The following MGAT2 variants were observed in gnomAD, a reference collection of about 807,000 sequenced individuals.
MGAT2 encodes Beta-1,2-N-acetylglucosaminyltransferase II.
In MGAT2, 17 loss-of-function variants were observed where a neutral mutation model predicts 33.8. The observed-to-expected ratio is 0.50, with a 90% CI of 0.34 to 0.76. The LOEUF (loss-of-function observed/expected upper bound fraction) is 0.76. MGAT2 is among the 30% of genes least tolerant of loss of function. The pLI, the probability that MGAT2 is intolerant of heterozygous loss-of-function variation, is 0.01. For synonymous variants in MGAT2, 248 were observed against 226.7 expected (o/e 1.09, Z -0.84); for missense variants, 529 against 553.9 (o/e 0.96, Z 0.45).
In MGAT2 at chr14:49,621,763, C is replaced by A. The variant is rs750374868; in HGVS notation, c.495C>A (p.Ala165=). The A allele has an allele frequency of 6.2e-7, 1 of 1,614,138 alleles. No individual in the cohort carries two copies. Among genetic ancestry groups the A allele is most frequent in the East Asian group, 2.2e-5 (1 of 44,884 alleles). ...FWSTEINQLI[A]GVNFCPVLQV... ...CGACCGAGATCAATCAGCTGATCGC[C>A]GGGGTGAATTTCTGTCCGGTTCTGC... Residue 165 remains alanine, a synonymous_variant, in exon 1 of 1, where the codon GCC becomes GCA. Transcript: ENST00000305386. The surrounding 1 kb of genome is among the most constrained non-coding windows in gnomAD (Gnocchi z 4.6).
Position 49,622,194 on chromosome 14 carries a change from T to G in MGAT2, c.926T>G (p.Val309Gly). The change falls in exon 1 of 1, where the codon GTG becomes GGG. Residue 309 changes from valine (V) to glycine (G), a missense_variant. Around this residue, in one of 2 missense-constraint regions of MGAT2, gnomAD observed 501 missense variants for 501.1 expected, o/e 1.00. Coordinates refer to ENST00000305386, the MANE Select transcript of MGAT2 (RefSeq NM_002408.4). Reference protein sequence around the residue: ...SFYGMADKVDVKTWKSTEHNM... With the variant: ...SFYGMADKVDGKTWKSTEHNM... ...TATGGCATGGCTGACAAGGTAGATG[T>G]GAAAACTTGGAAATCCACAGAGCAC... 1.2e-6 allele frequency: 2 copies of G among 1,614,164 alleles called. No homozygotes were observed.
rs891253274 is a variant in MGAT2, at chr14:49,621,083, C to T, written c.-186C>T. 2 of 833,686 alleles carry T rather than the reference C, an allele frequency of 2.4e-6. No individual in the cohort carries two copies. The highest frequency in any genetic ancestry group is 2.6e-5 in the East Asian group (1 of 37,796). The allele number at this position is 833,686 out of a possible 1,614,324, so 51.6% of individuals were successfully genotyped here. ...GAGGATGTGTGGAGCGCAGGCGGCG[C>T]GGGGTAAATGAGAGGTCTCGGGCCC... On this transcript the variant is annotated 5_prime_UTR_variant, in exon 1 of 1. Transcript: ENST00000305386. This position sits in a 1 kb window ranked among gnomAD's most constrained non-coding sequence, Gnocchi z 4.6.
chr14:49,622,245 A>G lies in MGAT2; in HGVS notation c.977A>G (p.Asn326Ser). 2 of 1,614,184 alleles carry G rather than the reference A, an allele frequency of 1.2e-6. No individual in the cohort carries two copies. The highest frequency in any genetic ancestry group is 1.7e-6 in the Non-Finnish European group (2 of 1,180,038). Residue 326 changes from asparagine to serine, a missense_variant, in exon 1 of 1, where the codon AAT becomes AGT. Asn to Ser is a conservative substitution (Grantham distance 46). Coordinates refer to ENST00000305386, the MANE Select transcript of MGAT2 (RefSeq NM_002408.4). Reference sequence around the variant, plus strand: ...AATATGGGTCTAGCCTTGACCCGGAATGCCTATCAGAAGCTGATCGAGTGC... The same window carrying G: ...AATATGGGTCTAGCCTTGACCCGGAGTGCCTATCAGAAGCTGATCGAGTGC... Reference protein sequence around the residue: ...EHNMGLALTRNAYQKLIECTD... With the variant: ...EHNMGLALTRSAYQKLIECTD...
Position 49,621,625 on chromosome 14 carries a change from G to T in MGAT2, c.357G>T (p.Val119=). The change falls in exon 1 of 1, where the codon GTG becomes GTT. Residue 119 remains valine (V), a synonymous_variant. Coordinates refer to ENST00000305386, the MANE Select transcript of MGAT2 (RefSeq NM_002408.4). This position sits in a 1 kb window ranked among gnomAD's most constrained non-coding sequence, Gnocchi z 4.6. The part of the protein sequence containing the change: ...KAGTWAPREL[V]LVVQVHNRPE... ...GCACCTGGGCCCCCCGGGAGCTGGT[G>T]CTGGTGGTCCAGGTGCATAACCGGC... is the stretch of plus-strand genomic sequence containing the variant. 1 of 1,614,152 alleles carries T rather than the reference G, an allele frequency of 6.2e-7. No homozygotes were observed. The highest frequency in any genetic ancestry group is 2.2e-5 in the East Asian group (1 of 44,882).
At position 49,622,001 on chromosome 14, in the gene MGAT2, G is replaced by C. The variant is rs117536357; in HGVS notation, c.733G>C (p.Val245Leu). The C allele has an allele frequency of 1.5e-3, 2,466 of 1,614,190 alleles. No individual in the cohort carries two copies. Among genetic ancestry groups the C allele is most frequent in the Middle Eastern group, 3.0e-3 (18 of 6,062 alleles). The change falls in exon 1 of 1, where the codon GTG (valine) becomes CTG (leucine). Residue 245 changes from valine (V) to leucine (L), a missense_variant. This residue lies in a region of MGAT2 where 501 missense variants were observed against 501.1 expected (regional missense o/e 1.00). Transcript: ENST00000305386. ...GAAGCTGCATTTTGTGTGGGAAAGA[G>C]TGAAAATTCTTCGAGATTATGCTGG... ...WWKLHFVWERVKILRDYAGLI... is the reference protein window; with the variant it reads ...WWKLHFVWERLKILRDYAGLI...
rs1368845510 is a variant in MGAT2, at chr14:49,620,905, G to T, written c.-364G>T. The T allele has an allele frequency of 1.4e-6, 1 of 700,756 alleles. No homozygotes were observed. Among genetic ancestry groups the T allele is most frequent in the Non-Finnish European group, 2.6e-6 (1 of 384,224 alleles). The allele number at this position is 700,756 out of a possible 1,614,324, so 43.4% of individuals were successfully genotyped here. A position where few individuals can be genotyped will look rare whatever the true frequency, so the allele number is the denominator to read the frequency against. On this transcript the variant is annotated 5_prime_UTR_variant, in exon 1 of 1. Coordinates refer to ENST00000305386, the MANE Select transcript of MGAT2 (RefSeq NM_002408.4). Reference sequence around the variant, plus strand: ...AAGGATGAGAGCGCAGAGGACGCAGGGCCGCTGGAGGCGCAGGTAACGAAG... The same window carrying T: ...AAGGATGAGAGCGCAGAGGACGCAGTGCCGCTGGAGGCGCAGGTAACGAAG...
Position 49,621,161 on chromosome 14 carries a change from T to G in MGAT2, c.-108T>G. 1 of 1,535,938 alleles carries G rather than the reference T, an allele frequency of 6.5e-7. No individual in the cohort carries two copies. The highest frequency in any genetic ancestry group is 1.2e-5 in the South Asian group (1 of 85,744). ...AGCGAGGGCAGCCGCGGGGGCCAGT[T>G]CCGACCGTGACAGGCCAAGGCGACG... On this transcript the variant is annotated 5_prime_UTR_variant, in exon 1 of 1. Coordinates refer to ENST00000305386, the MANE Select transcript of MGAT2 (RefSeq NM_002408.4). This position sits in a 1 kb window ranked among gnomAD's most constrained non-coding sequence, Gnocchi z 4.6.
rs1454709988 is a variant in MGAT2, at chr14:49,621,925, C to T, written c.657C>T (p.Phe219=). ...GCINAEYPDS[F]GHYREAKFSQ... is the part of the protein sequence containing the mutation. ...TCAATGCTGAGTATCCCGACTCCTT[C>T]GGCCATTATAGAGAGGCCAAATTCT... Residue 219 remains phenylalanine, a synonymous_variant, in exon 1 of 1, where the codon TTC becomes TTT. Transcript: ENST00000305386. The surrounding 1 kb of genome is among the most constrained non-coding windows in gnomAD (Gnocchi z 4.6). The T allele has an allele frequency of 3.1e-6, 5 of 1,614,192 alleles. No individual in the cohort carries two copies. Among genetic ancestry groups the T allele is most frequent in the East Asian group, 2.2e-5 (1 of 44,890 alleles).
In MGAT2 at chr14:49,621,334, C is replaced by T. The variant is rs758108747; in HGVS notation, c.66C>T (p.Phe22=). 10 of 1,612,452 alleles carry T rather than the reference C, an allele frequency of 6.2e-6. No individual in the cohort carries two copies. The highest frequency in any genetic ancestry group is 5.3e-5 in the African/African-American group (4 of 74,926). The change falls in exon 1 of 1, where the codon TTC becomes TTT. Residue 22 remains phenylalanine, a synonymous_variant. Transcript: ENST00000305386. This position sits in a 1 kb window ranked among gnomAD's most constrained non-coding sequence, Gnocchi z 4.6. ...ILTLVVAACG[F]VLWSSNGRQR... Reference sequence around the variant, plus strand: ...CGCTCGTGGTGGCCGCCTGCGGCTTCGTCCTCTGGAGCAGCAATGGGCGAC... The same window carrying T: ...CGCTCGTGGTGGCCGCCTGCGGCTTTGTCCTCTGGAGCAGCAATGGGCGAC...
At position 49,621,347 on chromosome 14, in the gene MGAT2, A is replaced by G. The variant is rs1023249434; in HGVS notation, c.79A>G (p.Ser27Gly). Residue 27 changes from serine (S) to glycine (G), a missense_variant, in exon 1 of 1, where the codon AGC becomes GGC. Coordinates refer to ENST00000305386, the MANE Select transcript of MGAT2 (RefSeq NM_002408.4). This position sits in a 1 kb window ranked among gnomAD's most constrained non-coding sequence, Gnocchi z 4.6. ...VAACGFVLWS[S>G]NGRQRKNEAL... ...CGCCTGCGGCTTCGTCCTCTGGAGC[A>G]GCAATGGGCGACAAAGGAAGAACGA... 11 of 1,612,316 alleles carry G rather than the reference A, an allele frequency of 6.8e-6. No homozygotes were observed. Among genetic ancestry groups the G allele is most frequent in the Non-Finnish European group, 9.3e-6 (11 of 1,179,692 alleles).
At position 49,622,336 on chromosome 14, in the gene MGAT2, T is replaced by G. The variant is rs1426127691; in HGVS notation, c.1068T>G (p.Ser356=). Residue 356 remains serine, a synonymous_variant, in exon 1 of 1, where the codon TCT becomes TCG. Transcript: ENST00000305386. Reference sequence around the variant, plus strand: ...GGACTCTTCAATACTTGACTGTATCTTGTCTTCCAAAATTCTGGAAAGTGC... The same window carrying G: ...GGACTCTTCAATACTTGACTGTATCGTGTCTTCCAAAATTCTGGAAAGTGC... ...WDWTLQYLTV[S]CLPKFWKVLV... The G allele has an allele frequency of 1.2e-6, 2 of 1,614,174 alleles. No homozygotes were observed. Among genetic ancestry groups the G allele is most frequent in the South Asian group, 1.1e-5 (1 of 91,086 alleles).
rs568281032 is a variant in MGAT2, at chr14:49,621,348, G to T, written c.80G>T (p.Ser27Ile). Residue 27 changes from serine (S) to isoleucine (I), a missense_variant, in exon 1 of 1, where the codon AGC becomes ATC. Physicochemically the swap from Ser to Ile is moderately radical, Grantham distance 142. Around this residue, in one of 2 missense-constraint regions of MGAT2, gnomAD observed 501 missense variants for 501.1 expected, o/e 1.00. Transcript: ENST00000305386. The surrounding 1 kb of genome is among the most constrained non-coding windows in gnomAD (Gnocchi z 4.6). ...VAACGFVLWSSNGRQRKNEAL... is the reference protein window; with the variant it reads ...VAACGFVLWSINGRQRKNEAL... ...GCCTGCGGCTTCGTCCTCTGGAGCA[G>T]CAATGGGCGACAAAGGAAGAACGAG... 2 of 1,612,224 alleles carry T rather than the reference G, an allele frequency of 1.2e-6. No individual in the cohort carries two copies. The highest frequency in any genetic ancestry group is 1.7e-6 in the Non-Finnish European group (2 of 1,179,638).
In MGAT2 at chr14:49,621,305, C is replaced by T. The variant is rs1415679196; in HGVS notation, c.37C>T (p.Leu13=). 12 of 1,612,542 alleles carry T rather than the reference C, an allele frequency of 7.4e-6. No individual in the cohort carries two copies. The highest frequency in any genetic ancestry group is 1.0e-5 in the Non-Finnish European group (12 of 1,179,812). ...CATCTACAAACGGAAGGTGCTAATC[C>T]TGACGCTCGTGGTGGCCGCCTGCGG... ...FRIYKRKVLI[L]TLVVAACGFV... Residue 13 remains leucine, a synonymous_variant, in exon 1 of 1, where the codon CTG becomes TTG. Transcript: ENST00000305386. The surrounding 1 kb of genome is among the most constrained non-coding windows in gnomAD (Gnocchi z 4.6).
In MGAT2 at chr14:49,622,222, T is replaced by C. The variant is rs556064806; in HGVS notation, c.954T>C (p.Asn318=). Residue 318 remains asparagine (N), a synonymous_variant, in exon 1 of 1, where the codon AAT becomes AAC. Coordinates refer to ENST00000305386, the MANE Select transcript of MGAT2 (RefSeq NM_002408.4). The part of the protein sequence containing the change: ...DVKTWKSTEH[N]MGLALTRNAY... ...AAACTTGGAAATCCACAGAGCACAATATGGGTCTAGCCTTGACCCGGAATG... is the reference window on the plus strand; with the variant it reads ...AAACTTGGAAATCCACAGAGCACAACATGGGTCTAGCCTTGACCCGGAATG... 1 of 1,614,162 alleles carries C rather than the reference T, an allele frequency of 6.2e-7. No individual in the cohort carries two copies. Among genetic ancestry groups the C allele is most frequent in the South Asian group, 1.1e-5 (1 of 91,088 alleles).
chr14:49,620,918 G>T lies in MGAT2; in HGVS notation c.-351G>T, dbSNP rs116136260. 4.3e-3 allele frequency: 3,023 copies of T among 701,462 alleles called. 59 individuals are homozygous for T. In the African/African-American group the frequency reaches 0.046, roughly 11 times the overall value. 43.5% of individuals were successfully genotyped at this position (701,462 alleles called of 1,614,324 possible). On this transcript the variant is annotated 5_prime_UTR_variant, in exon 1 of 1. Transcript: ENST00000305386. ...CAGAGGACGCAGGGCCGCTGGAGGC[G>T]CAGGTAACGAAGCTAGGGTGCGGTT...
rs1417355426 is a variant in MGAT2 at position 49,621,809 on chromosome 14, A to G, written c.541A>G (p.Ile181Val). The G allele has an allele frequency of 6.2e-7, 1 of 1,614,098 alleles. No individual in the cohort carries two copies. Among genetic ancestry groups the G allele is most frequent in the Non-Finnish European group, 8.5e-7 (1 of 1,180,026 alleles). ...TCTGCAGGTGTTCTTTCCTTTCAGCATTCAGTTGTACCCTAACGAGTTTCC... is the reference window on the plus strand; with the variant it reads ...TCTGCAGGTGTTCTTTCCTTTCAGCGTTCAGTTGTACCCTAACGAGTTTCC... The part of the protein sequence containing the change: ...PVLQVFFPFS[I>V]QLYPNEFPGS... The change falls in exon 1 of 1, where the codon ATT becomes GTT. Residue 181 changes from isoleucine (I) to valine (V), a missense_variant. Physicochemically the swap from Ile to Val is conservative, Grantham distance 29. Around this residue, in one of 2 missense-constraint regions of MGAT2, gnomAD observed 501 missense variants for 501.1 expected, o/e 1.00. Coordinates refer to ENST00000305386, the MANE Select transcript of MGAT2 (RefSeq NM_002408.4). The surrounding 1 kb of genome is among the most constrained non-coding windows in gnomAD (Gnocchi z 4.6).
rs147353945 is a variant in MGAT2 at position 49,622,032 on chromosome 14, T to C, written c.764T>C (p.Ile255Thr). 24 of 1,614,122 alleles carry C rather than the reference T, an allele frequency of 1.5e-5. No individual in the cohort carries two copies. Among genetic ancestry groups the C allele is most frequent in the Non-Finnish European group, 7.6e-6 (9 of 1,180,016 alleles). Residue 255 changes from isoleucine to threonine, a missense_variant, in exon 1 of 1, where the codon ATA (isoleucine) becomes ACA (threonine). By Grantham distance (89) the Ile-to-Thr change is moderately conservative. Transcript: ENST00000305386. ...ATTCTTCGAGATTATGCTGGCCTTATACTTTTCCTAGAAGAGGATCACTAC... is the reference window on the plus strand; with the variant it reads ...ATTCTTCGAGATTATGCTGGCCTTACACTTTTCCTAGAAGAGGATCACTAC... ...VKILRDYAGL[I>T]LFLEEDHYLA... is the part of the protein sequence containing the mutation.
chr14:49,621,521 GA>G lies in MGAT2; in HGVS notation c.254del (p.Asp85AlafsTer3). On this transcript the variant is annotated frameshift_variant, in exon 1 of 1. Transcript: ENST00000305386. LOFTEE classifies it high-confidence loss of function. The surrounding 1 kb of genome is among the most constrained non-coding windows in gnomAD (Gnocchi z 4.6). ...CCCGGCGGTCCCCCAGCCCGAGGCGGACAACCTGACGCTGCGGTACCGGTCC... is the reference window on the plus strand; with the variant it reads ...CCCGGCGGTCCCCCAGCCCGAGGCGGCAACCTGACGCTGCGGTACCGGTCC... Reference protein sequence around the residue: ...LVPAVPQPEADNLTLRYRSLV... With the variant: ...LVPAVPQPEAXNLTLRYRSLV... 1 of 1,612,572 alleles carries G rather than the reference GA, an allele frequency of 6.2e-7. No homozygotes were observed. Among genetic ancestry groups the G allele is most frequent in the Non-Finnish European group, 8.5e-7 (1 of 1,179,316 alleles).
chr14:49,621,198 C>T lies in MGAT2; in HGVS notation c.-71C>T, dbSNP rs570855278. On this transcript the variant is annotated 5_prime_UTR_variant, in exon 1 of 1. Coordinates refer to ENST00000305386, the MANE Select transcript of MGAT2 (RefSeq NM_002408.4). The surrounding 1 kb of genome is among the most constrained non-coding windows in gnomAD (Gnocchi z 4.6). ...AGGCCAAGGCGACGGCCGCCGCCCG[C>T]CCGCCCCTTCCGTGCAGAAGCAGCT... 6.9e-6 allele frequency: 11 copies of T among 1,601,704 alleles called. No individual in the cohort carries two copies. The South Asian group carries it at 1.1e-4, about 16-fold the overall frequency.
Sources: gnomAD v4.1 joint callset for allele counts on GRCh38, gnomAD v4.1.1 for gene constraint, gnomAD v4.1.1 regional missense constraint, Gnocchi (gnomAD v3.1) non-coding constraint, MANE v1.5 for transcripts, NCBI Gene and HGNC (gene_info 2026-07-23, HGNC 2026-07-21) for gene names.